SERGEF: variants seen among roughly 807,000 people sequenced by gnomAD.
SERGEF encodes secretion regulating guanine nucleotide exchange factor.
Under a neutral mutation model 50.0 loss-of-function variants are expected in SERGEF, and 51 were observed. The ratio of observed to expected loss-of-function variants is 1.02; its 90% CI spans 0.81 to 1.29. SERGEF has a LOEUF of 1.29. Ranked by LOEUF, SERGEF falls within the 50% of genes most tolerant of loss-of-function variation. The pLI, the probability that SERGEF is intolerant of heterozygous loss-of-function variation, is 0.00. For missense variants in SERGEF, 521 were observed against 557.0 expected, an observed-to-expected ratio of 0.94 and a Z score of 0.65; for synonymous variants, 205 against 212.4, an observed-to-expected ratio of 0.97 and a Z score of 0.30.
chr11:17,966,708 C>A (rs1159749574), intron 8 of SERGEF, among the ~76,000 whole-genome samples: 1 of 152,026 alleles, frequency 6.6e-6, no homozygotes, highest in Non-Finnish European at 1.5e-5. Flanking sequence ...AAAGTCGTAT[C>A]ATAAACAATA....
At chr11:17,812,287 C>A (rs1849890459) in intron 10 of SERGEF, among the ~76,000 whole-genome samples, 1 of 152,210 alleles carries the variant, frequency 6.6e-6, no homozygotes, top group South Asian at 2.1e-4. Flanking sequence ...GGGGTAGGCA[C>A]AATCACTAAG....
At chr11:17,823,167 T>C (rs144311746) in intron 10 of SERGEF, among the ~76,000 whole-genome samples, 415 of 152,328 alleles carry the variant, frequency 2.7e-3, no homozygotes, top group African/African-American at 9.4e-3. Flanking sequence ...AGCAGGTATT[T>C]TGTAGGATGT....
intron 9 of SERGEF, among the ~76,000 whole-genome samples, chr11:17,908,341 G>T (rs1258869694): frequency 2.0e-5 from 3 of 152,012 alleles, no homozygotes; most frequent in South Asian, 2.1e-4. Context: ...CATATAAGCA[G>T]CTCTTTTTGC....
chr11:17,815,508 C>T (rs997598250), intron 10 of SERGEF, among the ~76,000 whole-genome samples: 4 of 150,246 alleles, frequency 2.7e-5, no homozygotes, highest in Non-Finnish European at 5.9e-5. Context: ...CCAGCTACTC[C>T]AGAGGCTGAG....
chr11:17,981,469 G>A (rs751856715), intron 8 of SERGEF, among the ~76,000 whole-genome samples: 6 of 152,150 alleles, frequency 3.9e-5, no homozygotes, highest in Non-Finnish European at 7.4e-5. Flanking sequence ...GACAAAAGAT[G>A]GGATTCAAGT....
chr11:17,826,641 G>T (rs1053781488), intron 10 of SERGEF, among the ~76,000 whole-genome samples: 5 of 152,156 alleles, frequency 3.3e-5, no homozygotes, highest in Admixed American at 2.0e-4. Flanking sequence ...TGTATTTAAT[G>T]CCACTAGACT....
At chr11:17,846,474 T>C (rs570253895) in intron 10 of SERGEF, 10 of 351,670 alleles carry the variant, frequency 2.8e-5, no homozygotes, top group African/African-American at 1.9e-4. Context: ...TCCTGGGTCT[T>C]TCCTGTCCTG....
intron 10 of SERGEF, among the ~76,000 whole-genome samples, chr11:17,867,996 G>A (rs1286153390): frequency 6.6e-6 from 1 of 152,138 alleles, no homozygotes; most frequent in Non-Finnish European, 1.5e-5. Context: ...TAGGCCTCTG[G>A]GTCTGTGATA....
In SERGEF at chr11:17,815,000, G is replaced by T. The variant is rs555536455; in HGVS notation, c.1049-26587C>A. 3.3e-5 allele frequency among the ~76,000 whole-genome samples: 5 copies of T among 152,178 alleles called. No individual in the cohort carries two copies. The South Asian group carries it at 1.0e-3, about 32-fold the overall frequency. ...GTTTGAGACCAGCCTGGACTACGCA[G>T]CAAGACCTTGTCTCTACAAAGATAA... On this transcript the variant is annotated intron_variant, in intron 10 of 10. Transcript: ENST00000265965.
At chr11:17,921,130 G>C (rs542961628) in intron 9 of SERGEF, among the ~76,000 whole-genome samples, 1 of 152,282 alleles carries the variant, frequency 6.6e-6, no homozygotes, top group East Asian at 1.9e-4. Flanking sequence ...GTTTGGCAAA[G>C]TGTAATTATT....
At chr11:17,860,665 A>C (rs1358277420) in intron 10 of SERGEF, among the ~76,000 whole-genome samples, 2 of 152,224 alleles carry the variant, frequency 1.3e-5, no homozygotes, top group Non-Finnish European at 2.9e-5. Flanking sequence ...AGGTAATCTA[A>C]TTTAAGAGTG....
intron 10 of SERGEF, among the ~76,000 whole-genome samples, chr11:17,839,150 T>C (rs539634483): frequency 1.3e-5 from 2 of 152,184 alleles, no homozygotes; most frequent in Admixed American, 6.5e-5. Context: ...TTGGAGTGGT[T>C]CAGGTATGCT....
chr11:17,941,566 G>C (rs558070195), intron 9 of SERGEF, among the ~76,000 whole-genome samples: 25 of 152,248 alleles, frequency 1.6e-4, no homozygotes, highest in African/African-American at 5.1e-4. Flanking sequence ...CACTTTCTGG[G>C]TATTGTGAAT....
At chr11:17,948,588 C>T (rs1008043034) in intron 9 of SERGEF, among the ~76,000 whole-genome samples, 5 of 152,202 alleles carry the variant, frequency 3.3e-5, no homozygotes, top group Admixed American at 3.3e-4. Flanking sequence ...AGGGACTTTC[C>T]TCAGCCAGTC....
intron 1 of SERGEF, among the ~76,000 whole-genome samples, chr11:18,010,819 G>T (rs1231689689): frequency 3.3e-5 from 5 of 152,168 alleles, no homozygotes; most frequent in Non-Finnish European, 7.3e-5. Context: ...GCGAATGAAT[G>T]TAAGACCCTA....
intron 9 of SERGEF, among the ~76,000 whole-genome samples, chr11:17,892,939 T>A (rs1767630825): frequency 6.6e-6 from 1 of 152,248 alleles, no homozygotes; most frequent in Non-Finnish European, 1.5e-5. Flanking sequence ...GTTCATGTTT[T>A]GTCTGTGTTC....
intron 10 of SERGEF, among the ~76,000 whole-genome samples, chr11:17,852,557 G>A (rs1182639072): frequency 6.6e-6 from 1 of 152,142 alleles, no homozygotes; most frequent in Non-Finnish European, 1.5e-5. Context: ...AATTTCAGTG[G>A]CCTCCTGCCT....
chr11:17,861,699 CATGGGAAGAGA>C (rs1333294658), intron 10 of SERGEF, among the ~76,000 whole-genome samples: 2 of 152,246 alleles, frequency 1.3e-5, no homozygotes, highest in Non-Finnish European at 2.9e-5. Flanking sequence ...GCTTGGTTGT[CATGGGAAGAGA>C]AAAGGGCTGG....
intron 10 of SERGEF, among the ~76,000 whole-genome samples, chr11:17,844,557 T>C (rs979498249): frequency 6.6e-6 from 1 of 152,148 alleles, no homozygotes; most frequent in African/African-American, 2.4e-5. Context: ...GTGATGGACA[T>C]AAAGAAAGAG....
Sources: gnomAD v4.1 joint callset for allele counts (sites outside exome capture counted in the v4.1 genomes callset) on GRCh38, gnomAD v4.1.1 for gene constraint, MANE v1.5 for transcripts, NCBI Gene and HGNC (gene_info 2026-07-23, HGNC 2026-07-21) for gene names.